CASD1: variants seen among roughly 807,000 people sequenced by gnomAD.
The protein encoded by CASD1 is N-acetylneuraminate (7)9-O-acetyltransferase.
In CASD1, 41 loss-of-function variants were observed where a neutral mutation model predicts 100.0. The ratio of observed to expected loss-of-function variants is 0.41; its 90% CI spans 0.32 to 0.53. CASD1 has a LOEUF of 0.53. Ranked by LOEUF, CASD1 falls within the 20% of genes least tolerant of loss-of-function variation. CASD1 has a pLI of 0.25. For missense variants in CASD1, 774 were observed against 948.7 expected (o/e 0.82, Z 2.42); for synonymous variants, 321 against 315.6 (o/e 1.02, Z -0.18).
At chr7:94,516,476 G>A (rs1197384215) in intron 1 of CASD1, among the ~76,000 whole-genome samples, 1 of 151,996 alleles carries the variant, frequency 6.6e-6, no homozygotes, top group Non-Finnish European at 1.5e-5. Context: ...TTTTTGTTCT[G>A]CAGTATTCTT....
At chr7:94,600,786 T>C in the CASD1 span, 3 of 1,613,534 alleles carry the variant, frequency 1.9e-6, no homozygotes, top group South Asian at 3.3e-5. Flanking sequence ...GTTTGTATTC[T>C]CCACCATCAG....
chr7:94,612,327 T>C, the CASD1 span, among the ~76,000 whole-genome samples: 5 of 152,316 alleles, frequency 3.3e-5, no homozygotes, highest in Middle Eastern at 3.4e-3. Flanking sequence ...CAAAACTCAT[T>C]TATATTGCCA....
At chr7:94,510,529 T>A (rs894663249) in intron 1 of CASD1, among the ~76,000 whole-genome samples, 1 of 151,990 alleles carries the variant, frequency 6.6e-6, no homozygotes, top group Non-Finnish European at 1.5e-5. Context: ...GCGGTCTGGG[T>A]TCGGGGAGAC....
the CASD1 span, among the ~76,000 whole-genome samples, chr7:94,607,193 G>A: frequency 6.6e-6 from 1 of 152,116 alleles, no homozygotes; most frequent in Admixed American, 6.5e-5. Flanking sequence ...AGGTCCAGAT[G>A]GGTTCACTGT....
At chr7:94,629,684 C>G in the CASD1 span, 1 of 1,607,132 alleles carries the variant, frequency 6.2e-7, no homozygotes, top group Non-Finnish European at 8.5e-7. Context: ...AAATTTAGTA[C>G]GTTAACTGCT....
At chr7:94,558,272 G>A (rs986409816), downstream of CASD1, among the ~76,000 whole-genome samples, 1 of 152,064 alleles carries the variant, frequency 6.6e-6, no homozygotes, top group Non-Finnish European at 1.5e-5. Flanking sequence ...ACCTTAAAAC[G>A]GGAATGCATC....
chr7:94,568,420 T>C, the CASD1 span, among the ~76,000 whole-genome samples: 1 of 152,220 alleles, frequency 6.6e-6, no homozygotes, highest in Non-Finnish European at 1.5e-5. Context: ...GATAAAGTAT[T>C]CTTTATTCAA....
At chr7:94,632,983 T>A in the CASD1 span, among the ~76,000 whole-genome samples, 1 of 151,988 alleles carries the variant, frequency 6.6e-6, no homozygotes, top group Admixed American at 6.6e-5. Flanking sequence ...CATGTTGTTT[T>A]CCTTAAGAGC....
chr7:94,586,749 G>T, the CASD1 span: 2 of 714,256 alleles, frequency 2.8e-6, no homozygotes, highest in African/African-American at 2.0e-5. Flanking sequence ...TGATCCGCCT[G>T]CCTTGGCCTC....
chr7:94,581,224 G>A, the CASD1 span, among the ~76,000 whole-genome samples: 1 of 152,194 alleles, frequency 6.6e-6, no homozygotes, highest in Admixed American at 6.5e-5. Context: ...ATATCGTCAA[G>A]TCTCTTCCCA....
the CASD1 span, chr7:94,600,741 G>C: frequency 6.2e-7 from 1 of 1,613,754 alleles, no homozygotes; most frequent in Non-Finnish European, 8.5e-7. Flanking sequence ...GGAAATCCGT[G>C]TAATAGTCTC....
At chr7:94,517,249 G>C (rs921431697) in intron 1 of CASD1, among the ~76,000 whole-genome samples, 5 of 152,140 alleles carry the variant, frequency 3.3e-5, no homozygotes, top group Non-Finnish European at 7.4e-5. Flanking sequence ...GAGATATTCA[G>C]ATGTAAAGGC....
chr7:94,575,110 G>T, the CASD1 span, among the ~76,000 whole-genome samples: 1 of 152,114 alleles, frequency 6.6e-6, no homozygotes, highest in East Asian at 1.9e-4. Context: ...ATTTGTTCTT[G>T]TGTCTTGAAT....
the CASD1 span, among the ~76,000 whole-genome samples, chr7:94,601,443 CAAAAAAAAAAAAAAAAAA>C: frequency 7.2e-3 from 645 of 89,294 alleles, no homozygotes; most frequent in Middle Eastern, 0.076. Context: ...ATCCCAGTAT[CAAAAAAAAAAAAAAAAAA>C]AAAAAAAAAA....
the CASD1 span, among the ~76,000 whole-genome samples, chr7:94,596,508 T>C: frequency 6.6e-6 from 1 of 152,154 alleles, no homozygotes; most frequent in African/African-American, 2.4e-5. Flanking sequence ...AACTGTGTTC[T>C]TTGAAGAGTT....
At chr7:94,554,229 A>T (rs539321404) in intron 16 of CASD1, 2 of 255,414 alleles carry the variant, frequency 7.8e-6, no homozygotes, top group African/African-American at 4.4e-5. Flanking sequence ...TCCAGTATAC[A>T]TAAAATTGTT....
the CASD1 span, among the ~76,000 whole-genome samples, chr7:94,604,805 G>GAA: frequency 2.9e-5 from 1 of 34,056 alleles, no homozygotes; most frequent in Non-Finnish European, 5.5e-5. Flanking sequence ...AATGGTGCTG[G>GAA]AATATATATA....
At chr7:94,623,544 G>A in the CASD1 span, 1 of 620,262 alleles carries the variant, frequency 1.6e-6, no homozygotes, top group Non-Finnish European at 2.9e-6. Context: ...TCTGGGCAAT[G>A]AGAACTCAGA....
At chr7:94,530,056 C>T (rs1234087744) in intron 5 of CASD1, among the ~76,000 whole-genome samples, 1 of 152,056 alleles carries the variant, frequency 6.6e-6, no homozygotes, top group Non-Finnish European at 1.5e-5. Context: ...ATCCTCCCCT[C>T]AAAGAGCTAG....
Sources: gnomAD v4.1 joint callset for allele counts (sites outside exome capture counted in the v4.1 genomes callset) on GRCh38, gnomAD v4.1.1 for gene constraint, MANE v1.5 for transcripts, NCBI Gene and HGNC (gene_info 2026-07-23, HGNC 2026-07-21) for gene names.